RAD51B: variants seen among roughly 807,000 people sequenced by gnomAD.
The protein encoded by RAD51B is RAD51 paralog B.
RAD51B carries 38 observed loss-of-function variants against 42.2 expected under a neutral mutation model. The ratio of observed to expected loss-of-function variants is 0.90; its 90% CI spans 0.70 to 1.18. The LOEUF is 1.18. Among genes scored for constraint, RAD51B ranks in the 50% most tolerant of loss-of-function variants. The pLI is 0.00. For missense variants in RAD51B, 373 were observed against 400.7 expected (o/e 0.93, Z 0.59); for synonymous variants, 154 against 145.2 (o/e 1.06, Z -0.43).
intron 8 of RAD51B, among the ~76,000 whole-genome samples, chr14:68,339,833 C>T (rs1161677434): frequency 6.6e-6 from 1 of 152,136 alleles, no homozygotes. Flanking sequence ...AAAAGTAGTA[C>T]AGTAAGATAG....
chr14:68,327,699 T>C (rs1244648414), intron 8 of RAD51B, among the ~76,000 whole-genome samples: 1 of 150,414 alleles, frequency 6.6e-6, no homozygotes, highest in Non-Finnish European at 1.5e-5. Context: ...CCATTATGAG[T>C]AGATATTAAT....
intron 7 of RAD51B, among the ~76,000 whole-genome samples, chr14:68,093,387 T>A (rs1237396135): frequency 6.6e-6 from 1 of 152,212 alleles, no homozygotes; most frequent in Non-Finnish European, 1.5e-5. Flanking sequence ...AGCCTGTTAT[T>A]GGACTATTCA....
At chr14:67,844,939 A>G (rs546843744) in intron 4 of RAD51B, among the ~76,000 whole-genome samples, 3 of 151,346 alleles carry the variant, frequency 2.0e-5, no homozygotes, top group East Asian at 1.9e-4. Context: ...ACTTTTTTCT[A>G]TTTTCTGTTT....
At chr14:68,534,488 C>A (rs1424257223) in intron 10 of RAD51B, among the ~76,000 whole-genome samples, 1 of 152,054 alleles carries the variant, frequency 6.6e-6, no homozygotes, top group African/African-American at 2.4e-5. Context: ...CAGTGGAAAG[C>A]AAGGAAGCCC....
At chr14:68,563,721 G>C in intron 10 of RAD51B, 1 of 985,398 alleles carries the variant, frequency 1.0e-6, no homozygotes, top group Non-Finnish European at 1.2e-6. Context: ...TTCTAAATGG[G>C]AACGAAAGAG....
chr14:67,872,163 C>T (rs1036532055), intron 5 of RAD51B, among the ~76,000 whole-genome samples: 407 of 148,174 alleles, frequency 2.7e-3, no homozygotes, highest in African/African-American at 9.3e-3. Flanking sequence ...TGTTTGCAGA[C>T]GACATGATTG....
At chr14:68,546,052 C>A (rs1225609870) in intron 10 of RAD51B, among the ~76,000 whole-genome samples, 1 of 152,198 alleles carries the variant, frequency 6.6e-6, no homozygotes. Flanking sequence ...AGGACAGGGA[C>A]CCTACTGTAT....
At chr14:68,449,630 C>CA (rs1334838159) in intron 9 of RAD51B, among the ~76,000 whole-genome samples, 1 of 152,226 alleles carries the variant, frequency 6.6e-6, no homozygotes, top group Non-Finnish European at 1.5e-5. Context: ...TCCTGAGAGT[C>CA]AGAGATCCTG....
chr14:68,237,732 C>CTTTTT (rs57490316), intron 7 of RAD51B, among the ~76,000 whole-genome samples: 9 of 74,092 alleles, frequency 1.2e-4, no homozygotes, highest in South Asian at 3.9e-4. Context: ...TTTCATTTCT[C>CTTTTT]TTTTTTTTTT....
intron 7 of RAD51B, among the ~76,000 whole-genome samples, chr14:67,979,665 A>G (rs971433915): frequency 6.6e-6 from 1 of 152,176 alleles, no homozygotes; most frequent in African/African-American, 2.4e-5. Flanking sequence ...TTTCAACAGT[A>G]CTTTTGAACC....
At chr14:68,616,802 T>C (rs1041656901) in intron 10 of RAD51B, among the ~76,000 whole-genome samples, 1 of 152,102 alleles carries the variant, frequency 6.6e-6, no homozygotes, top group Non-Finnish European at 1.5e-5. Context: ...TGAAGTCTTC[T>C]TCCTCTTGGT....
chr14:68,588,650 TA>T (rs1333109211), intron 10 of RAD51B, among the ~76,000 whole-genome samples: 1 of 152,204 alleles, frequency 6.6e-6, no homozygotes, highest in Non-Finnish European at 1.5e-5. Context: ...TCATAATGGA[TA>T]AATGGCTCCT....
At chr14:68,361,564 C>G (rs898955211) in intron 8 of RAD51B, among the ~76,000 whole-genome samples, 2 of 152,176 alleles carry the variant, frequency 1.3e-5, no homozygotes, top group African/African-American at 4.8e-5. Context: ...GTCATATCCT[C>G]TCATTATGTT....
chr14:68,195,601 T>C (rs1409366796), intron 7 of RAD51B, among the ~76,000 whole-genome samples: 1 of 152,146 alleles, frequency 6.6e-6, no homozygotes, highest in Non-Finnish European at 1.5e-5. Context: ...ATCATGCATT[T>C]TGATATTTTT....
chr14:68,024,684 T>C (rs1015520726), intron 7 of RAD51B, among the ~76,000 whole-genome samples: 1 of 152,008 alleles, frequency 6.6e-6, no homozygotes, highest in Non-Finnish European at 1.5e-5. Context: ...TATACATTGA[T>C]TTTTTTTAAA....
At chr14:68,521,679 G>A (rs117465805) in intron 10 of RAD51B, among the ~76,000 whole-genome samples, 276 of 152,310 alleles carry the variant, frequency 1.8e-3, no homozygotes, top group Non-Finnish European at 2.9e-3. Context: ...CTTTTGAGCT[G>A]GGGCTGCCAC....
chr14:68,085,961 G>A (rs1319037217), intron 7 of RAD51B, among the ~76,000 whole-genome samples: 1 of 152,196 alleles, frequency 6.6e-6, no homozygotes. Flanking sequence ...GTGGGCGTGT[G>A]TCACAGAGTG....
chr14:68,402,193 G>C (rs953529102), intron 8 of RAD51B, among the ~76,000 whole-genome samples: 6 of 152,160 alleles, frequency 3.9e-5, no homozygotes, highest in African/African-American at 1.4e-4. Flanking sequence ...GAGCTTGTAG[G>C]TCATCTTGAA....
chr14:68,310,752 G>A (rs567916516), intron 8 of RAD51B, among the ~76,000 whole-genome samples: 41 of 152,280 alleles, frequency 2.7e-4, no homozygotes, highest in African/African-American at 9.6e-4. Flanking sequence ...GGCTGAGGCA[G>A]GAGAATCACT....
Sources: allele counts gnomAD v4.1 joint callset (sites outside exome capture counted in the v4.1 genomes callset), GRCh38; gene constraint gnomAD v4.1.1; transcripts MANE v1.5; gene names NCBI Gene and HGNC (gene_info 2026-07-23, HGNC 2026-07-21).